The following KCNAB1 variants were observed in gnomAD, a reference collection of about 807,000 sequenced individuals.
KCNAB1 encodes the protein potassium voltage-gated channel subfamily A regulatory beta subunit 1, also known as voltage-gated potassium channel subunit beta-1.
KCNAB1 carries 35 observed loss-of-function variants against 64.6 expected under a neutral mutation model. The observed-to-expected ratio is 0.54, with a 90% CI of 0.41 to 0.72. KCNAB1 has a LOEUF of 0.72. Among genes scored for constraint, KCNAB1 ranks in the 30% least tolerant of loss-of-function variants. The pLI, the probability that KCNAB1 is intolerant of heterozygous loss-of-function variation, is 0.00. For synonymous variants in KCNAB1, 177 were observed against 183.8 expected (o/e 0.96, Z 0.30); for missense variants, 401 against 512.9 (o/e 0.78, Z 2.11).
chr3:156,128,468 T>C (rs1713797474), intron 1 of KCNAB1, among the ~76,000 whole-genome samples: 1 of 152,266 alleles, frequency 6.6e-6, no homozygotes. Flanking sequence ...TGTTTAATTT[T>C]TTAAAAAGTG....
chr3:156,430,128 T>G (rs953261301), intron 2 of KCNAB1, among the ~76,000 whole-genome samples: 3 of 152,270 alleles, frequency 2.0e-5, no homozygotes, highest in Non-Finnish European at 2.9e-5. Flanking sequence ...GTGGTTGCCT[T>G]CTGAATCAGC....
chr3:156,259,651 T>A (rs1474221197), intron 1 of KCNAB1, among the ~76,000 whole-genome samples: 1 of 152,202 alleles, frequency 6.6e-6, no homozygotes. Context: ...CTAGGTTTTG[T>A]TGCTTTCCTC....
chr3:156,193,503 G>A (rs1482733108), intron 1 of KCNAB1, among the ~76,000 whole-genome samples: 4 of 152,146 alleles, frequency 2.6e-5, no homozygotes, highest in Admixed American at 6.6e-5. Flanking sequence ...AGAACTGCCC[G>A]AGGCTGGGTA....
chr3:156,168,679 ACAT>A (rs1711763042), intron 1 of KCNAB1, among the ~76,000 whole-genome samples: 1 of 152,226 alleles, frequency 6.6e-6, no homozygotes. Context: ...GCTTTTTGTA[ACAT>A]CAACGTGCAC....
At position 156,136,017 on chromosome 3, in the gene KCNAB1, T is replaced by A. The variant is rs1053755605; in HGVS notation, c.275+15131T>A. On this transcript the variant is annotated intron_variant, in intron 1 of 13. Transcript: ENST00000490337. ...GCCATCCCCATCCATTTTGTACTCA[T>A]GCAGCCCATAACATTGAAGTCCCCT... Among the ~76,000 whole-genome samples, 23 of 152,244 alleles carry A rather than the reference T, an allele frequency of 1.5e-4. 1 individual carries two copies. Among genetic ancestry groups the A allele is most frequent in the Non-Finnish European group, 2.9e-4 (20 of 68,042 alleles).
chr3:156,385,708 A>C (rs977687104), intron 1 of KCNAB1, among the ~76,000 whole-genome samples: 1 of 152,214 alleles, frequency 6.6e-6, no homozygotes, highest in South Asian at 2.1e-4. Flanking sequence ...AGCAAAATAC[A>C]TTCTTGACAT....
chr3:156,251,034 G>A (rs1434878346), intron 1 of KCNAB1, among the ~76,000 whole-genome samples: 1 of 152,178 alleles, frequency 6.6e-6, no homozygotes, highest in African/African-American at 2.4e-5. Context: ...GGTACCCAGA[G>A]GGGAATTTTT....
chr3:156,520,025 C>T (rs1292895603), intron 11 of KCNAB1, among the ~76,000 whole-genome samples: 1 of 151,884 alleles, frequency 6.6e-6, no homozygotes, highest in East Asian at 1.9e-4. Context: ...GAGTGGAACC[C>T]CAACAAAAAA....
intron 12 of KCNAB1, among the ~76,000 whole-genome samples, chr3:156,525,735 C>CT (rs1718267941): frequency 1.3e-5 from 2 of 152,190 alleles, no homozygotes; most frequent in African/African-American, 2.4e-5. Context: ...AGGCTGGTCT[C>CT]TAACTCCTGA....
rs763663845 is a variant in KCNAB1 at position 156,514,372 on chromosome 3, C to T, written c.667C>T (p.Arg223Ter). Reference protein sequence around the residue: ...DSNTPMEEIVRAMTHVINQGM... With the variant: ...DSNTPMEEIV Reference sequence around the variant, plus strand: ...TGTTTGACCTTCCACAGAAATTGTCCGAGCCATGACACATGTGATAAACCA... The same window carrying T: ...TGTTTGACCTTCCACAGAAATTGTCTGAGCCATGACACATGTGATAAACCA... The change falls in exon 9 of 14, where the codon CGA becomes TGA. Residue 223 changes from arginine to a stop codon, truncating the protein, a stop_gained. Coordinates refer to ENST00000490337, the MANE Select transcript of KCNAB1 (RefSeq NM_172160.3). LOFTEE classifies it high-confidence loss of function. 6 of 1,613,508 alleles carry T rather than the reference C, an allele frequency of 3.7e-6. No homozygotes were observed. The highest frequency in any genetic ancestry group is 2.2e-5 in the East Asian group (1 of 44,870).
At chr3:156,147,696 A>C (rs1715122041) in intron 1 of KCNAB1, among the ~76,000 whole-genome samples, 1 of 152,192 alleles carries the variant, frequency 6.6e-6, no homozygotes, top group Non-Finnish European at 1.5e-5. Context: ...GAAAGGGAAA[A>C]GTAGAGAAAC....
rs147603908 is a variant in KCNAB1, at chr3:156,516,703, G to A, written c.960+339G>A. On this transcript the variant is annotated intron_variant, in intron 11 of 13. Coordinates refer to ENST00000490337, the MANE Select transcript of KCNAB1 (RefSeq NM_172160.3). Reference sequence around the variant, plus strand: ...TTCCATCATTTGAAACTGATAAAATGCAAAATCTCTTTTCTATATAAGAGG... The same window carrying A: ...TTCCATCATTTGAAACTGATAAAATACAAAATCTCTTTTCTATATAAGAGG... Among the ~76,000 whole-genome samples the A allele has an allele frequency of 1.6e-4, 24 of 152,268 alleles. 1 individual carries two copies. In the East Asian group the frequency reaches 4.6e-3, roughly 29 times the overall value.
chr3:156,231,628 T>G (rs542174364), intron 1 of KCNAB1, among the ~76,000 whole-genome samples: 14 of 151,470 alleles, frequency 9.2e-5, no homozygotes, highest in African/African-American at 3.4e-4. Context: ...AAGAAACATT[T>G]TACAACCCGC....
At chr3:156,398,602 A>C (rs1419245610) in intron 1 of KCNAB1, among the ~76,000 whole-genome samples, 2 of 151,660 alleles carry the variant, frequency 1.3e-5, no homozygotes, top group African/African-American at 2.4e-5. Flanking sequence ...AAAAAAAAAA[A>C]AAAAAACCTA....
intron 1 of KCNAB1, among the ~76,000 whole-genome samples, chr3:156,336,134 C>T (rs1018060062): frequency 3.9e-5 from 6 of 152,120 alleles, no homozygotes; most frequent in East Asian, 1.9e-4. Flanking sequence ...CTGAGGTGGG[C>T]GGATCACTTG....
intron 8 of KCNAB1, among the ~76,000 whole-genome samples, chr3:156,481,768 A>G (rs1714823219): frequency 6.6e-6 from 1 of 152,156 alleles, no homozygotes; most frequent in African/African-American, 2.4e-5. Flanking sequence ...GCTACCTATC[A>G]GACTGTACAC....
chr3:156,490,466 C>T (rs1715549446), intron 8 of KCNAB1, among the ~76,000 whole-genome samples: 1 of 151,728 alleles, frequency 6.6e-6, no homozygotes, highest in Admixed American at 6.6e-5. Flanking sequence ...CAGAAATGTT[C>T]AAAGAAACTA....
intron 1 of KCNAB1, among the ~76,000 whole-genome samples, chr3:156,206,599 T>G (rs1420163300): frequency 1.3e-5 from 2 of 152,204 alleles, no homozygotes; most frequent in South Asian, 2.1e-4. Flanking sequence ...AAAAGTTAAC[T>G]AACTGAAACT....
intron 11 of KCNAB1, 86 bp downstream of exon 11, chr3:156,516,450 CT>C (rs1717572370): frequency 2.1e-6 from 2 of 951,336 alleles, no homozygotes; most frequent in African/African-American, 3.2e-5. Flanking sequence ...CAGCCTAGGG[CT>C]TCCCAGCTCA....
Sources: allele counts gnomAD v4.1 joint callset (sites outside exome capture counted in the v4.1 genomes callset), GRCh38; gene constraint gnomAD v4.1.1; transcripts MANE v1.5; gene names NCBI Gene and HGNC (gene_info 2026-07-23, HGNC 2026-07-21).